GSG1L: variants seen among roughly 807,000 people sequenced by gnomAD.
GSG1L encodes the protein germ cell-specific gene 1-like protein.
GSG1L carries 24 observed loss-of-function variants against 42.1 expected under a neutral mutation model. The observed-to-expected ratio is 0.57, with a 90% CI of 0.41 to 0.80. GSG1L has a LOEUF of 0.80. Ranked by LOEUF, GSG1L falls within the 30% of genes least tolerant of loss-of-function variation. GSG1L has a pLI of 0.00. For missense variants in GSG1L, 445 were observed against 472.2 expected (o/e 0.94, Z 0.53); for synonymous variants, 215 against 203.5 (o/e 1.06, Z -0.48).
chr16:27,811,695 C>T (rs1233673867), intron 5 of GSG1L, among the ~76,000 whole-genome samples: 1 of 152,260 alleles, frequency 6.6e-6, no homozygotes. Context: ...GTCGCCCAGG[C>T]TGGCATGCAG....
intron 2 of GSG1L, among the ~76,000 whole-genome samples, chr16:27,915,478 G>A (rs1223236265): frequency 6.6e-6 from 1 of 152,194 alleles, no homozygotes; most frequent in Admixed American, 6.5e-5. Context: ...GAGTCAGCCT[G>A]GCTGCCTAGG....
chr16:27,951,289 G>T (rs183469184), intron 2 of GSG1L, among the ~76,000 whole-genome samples: 1 of 152,204 alleles, frequency 6.6e-6, no homozygotes, highest in African/African-American at 2.4e-5. Context: ...AACCTGGGTC[G>T]CAGGGCTGGG....
chr16:27,963,153 C>T lies in GSG1L; in HGVS notation c.397+3G>A, dbSNP rs757150876. On this transcript the variant is annotated splice_donor_region_variant and intron_variant, in intron 2 of 6. Coordinates refer to ENST00000447459, the MANE Select transcript of GSG1L (RefSeq NM_001109763.2). ...GCCACAGCTCAGCTGGGGTCACACTCACCTTTCTCCGATGCCGGGGCCAGG... is the reference window on the plus strand; with the variant it reads ...GCCACAGCTCAGCTGGGGTCACACTTACCTTTCTCCGATGCCGGGGCCAGG... The T allele has an allele frequency of 2.5e-6, 4 of 1,613,164 alleles. No homozygotes were observed. The highest frequency in any genetic ancestry group is 1.1e-5 in the South Asian group (1 of 91,038).
intron 1 of GSG1L, among the ~76,000 whole-genome samples, chr16:28,062,870 G>A (rs969305176): frequency 2.0e-5 from 3 of 152,104 alleles, no homozygotes; most frequent in Non-Finnish European, 4.4e-5. Flanking sequence ...CCACGGCGGG[G>A]CGTCCCGCAC....
chr16:27,820,784 A>AT (rs2083143334), intron 5 of GSG1L, among the ~76,000 whole-genome samples: 1 of 152,098 alleles, frequency 6.6e-6, no homozygotes, highest in South Asian at 2.1e-4. Context: ...AGATAAATGC[A>AT]TCCCAGTGAT....
At chr16:28,020,095 C>T (rs746903247) in intron 1 of GSG1L, among the ~76,000 whole-genome samples, 9 of 152,174 alleles carry the variant, frequency 5.9e-5, no homozygotes, top group Non-Finnish European at 1.2e-4. Flanking sequence ...CCTTCGTTCG[C>T]GCAGAGACAT....
intron 6 of GSG1L, among the ~76,000 whole-genome samples, chr16:27,801,045 G>A (rs1222180529): frequency 2.6e-5 from 4 of 152,182 alleles, no homozygotes; most frequent in Non-Finnish European, 4.4e-5. Flanking sequence ...TTAAAGATGA[G>A]ACGAAGTCAG....
chr16:28,055,065 G>A (rs985337068), intron 1 of GSG1L, among the ~76,000 whole-genome samples: 2 of 152,180 alleles, frequency 1.3e-5, no homozygotes, highest in African/African-American at 2.4e-5. Context: ...CTCTGGACCC[G>A]AGGGAAGGTC....
At chr16:27,894,002 C>T (rs1567508541) in intron 2 of GSG1L, among the ~76,000 whole-genome samples, 2 of 152,320 alleles carry the variant, frequency 1.3e-5, no homozygotes, top group South Asian at 4.1e-4. Context: ...ATCCTCCAGC[C>T]CTGGTTTCCC....
intron 1 of GSG1L, among the ~76,000 whole-genome samples, chr16:28,016,356 A>G (rs1267048789): frequency 3.3e-5 from 5 of 152,198 alleles, no homozygotes; most frequent in African/African-American, 1.2e-4. Context: ...CTGGACCTAC[A>G]TCTCTGAGGA....
chr16:27,905,542 C>G (rs1394312264), intron 2 of GSG1L, among the ~76,000 whole-genome samples: 1 of 152,044 alleles, frequency 6.6e-6, no homozygotes, highest in Non-Finnish European at 1.5e-5. Flanking sequence ...CTCTTGAACT[C>G]CTGGCCTCAA....
At chr16:27,822,264 T>C (rs1406150476) in intron 5 of GSG1L, among the ~76,000 whole-genome samples, 1 of 152,198 alleles carries the variant, frequency 6.6e-6, no homozygotes, top group Non-Finnish European at 1.5e-5. Flanking sequence ...TCACAGCTAG[T>C]AAACTGCGAA....
chr16:27,909,726 C>T (rs1316118461), intron 2 of GSG1L, among the ~76,000 whole-genome samples: 3 of 149,140 alleles, frequency 2.0e-5, no homozygotes, highest in East Asian at 2.0e-4. Context: ...ACAGCAGTCC[C>T]GACCTCCAGG....
chr16:27,887,416 C>A (rs1045693028), intron 2 of GSG1L, among the ~76,000 whole-genome samples: 1 of 152,220 alleles, frequency 6.6e-6, no homozygotes, highest in Non-Finnish European at 1.5e-5. Flanking sequence ...ATTGTTTGAG[C>A]CCCTAGATCC....
At chr16:27,840,018 G>A (rs978523332) in intron 4 of GSG1L, among the ~76,000 whole-genome samples, 1 of 148,350 alleles carries the variant, frequency 6.7e-6, no homozygotes, top group Non-Finnish European at 1.5e-5. Context: ...CAAAGTAGGT[G>A]TAGTAACCTT....
chr16:27,932,168 T>A (rs1375470421), intron 2 of GSG1L, among the ~76,000 whole-genome samples: 2 of 152,198 alleles, frequency 1.3e-5, no homozygotes, highest in East Asian at 3.8e-4. Context: ...TTCTCATACC[T>A]CGGCCTCCCA....
intron 5 of GSG1L, among the ~76,000 whole-genome samples, chr16:27,824,344 C>T (rs1317500808): frequency 6.6e-6 from 1 of 152,186 alleles, no homozygotes; most frequent in African/African-American, 2.4e-5. Context: ...TCACTCCAAA[C>T]CCCTGCTCTT....
chr16:27,838,476 G>A (rs2083344191), intron 4 of GSG1L, among the ~76,000 whole-genome samples: 1 of 152,200 alleles, frequency 6.6e-6, no homozygotes, highest in South Asian at 2.1e-4. Flanking sequence ...GATTGGCCTG[G>A]TTTCCGGAGC....
chr16:28,043,371 G>A (rs1428126709), intron 1 of GSG1L, among the ~76,000 whole-genome samples: 1 of 152,224 alleles, frequency 6.6e-6, no homozygotes, highest in Admixed American at 6.5e-5. Flanking sequence ...GAGGCTCGGA[G>A]TCCTCTCTCA....
Sources: gnomAD v4.1 joint callset for allele counts (sites outside exome capture counted in the v4.1 genomes callset) on GRCh38, gnomAD v4.1.1 for gene constraint, MANE v1.5 for transcripts, NCBI Gene and HGNC (gene_info 2026-07-23, HGNC 2026-07-21) for gene names.